The following PIK3C2B variants were observed in gnomAD, a reference collection of about 807,000 sequenced individuals.
PIK3C2B encodes phosphatidylinositol 4-phosphate 3-kinase C2 domain-containing subunit beta.
In PIK3C2B, 83 loss-of-function variants were observed where a neutral mutation model predicts 184.3. That is an observed-to-expected ratio of 0.45 (90% CI 0.38 to 0.54). The LOEUF (loss-of-function observed/expected upper bound fraction) is 0.54, where lower values mean the gene tolerates loss of function less well. PIK3C2B is among the 20% of genes least tolerant of loss of function. The probability of loss-of-function intolerance (pLI) is 0.00; values close to 1 mark genes in which losing one functional copy is unlikely to be tolerated. For synonymous variants in PIK3C2B, 779 were observed against 837.6 expected (o/e 0.93, Z 1.21); for missense variants, 1,736 against 2,113.5 (o/e 0.82, Z 3.50).
At chr1:204,485,665 C>T (rs1356825335) in intron 1 of PIK3C2B, among the ~76,000 whole-genome samples, 1 of 151,964 alleles carries the variant, frequency 6.6e-6, no homozygotes. Flanking sequence ...CTTCCACCTC[C>T]CAGGCCCAAG....
rs759688031 is a variant in PIK3C2B, at chr1:204,444,083, G to T, written c.2852C>A (p.Thr951Asn). The T allele has an allele frequency of 8.7e-6, 14 of 1,610,626 alleles. No homozygotes were observed. Among genetic ancestry groups the T allele is most frequent in the Non-Finnish European group, 1.1e-5 (13 of 1,176,856 alleles). Residue 951 changes from threonine to asparagine, a missense_variant, in exon 18 of 33, where the codon ACT (threonine) becomes AAT (asparagine). Thr to Asn is a moderately conservative substitution (Grantham distance 65). Coordinates refer to ENST00000684373, the MANE Select transcript of PIK3C2B (RefSeq NM_001377334.1). The stretch of plus-strand genomic sequence containing the variant: ...GCAGTTTTACCAGAAGAAGTAGTGA[G>T]TCACTCTCAAGTCAGACACAGCTCG... Reference protein sequence around the residue: ...LKRAVSDLRVTHYFFWLLKDG... With the variant: ...LKRAVSDLRVNHYFFWLLKDG...
intron 7 of PIK3C2B, 126 bp from the exon 8 acceptor site, chr1:204,460,067 A>G (rs548109938): frequency 2.8e-5 from 22 of 789,912 alleles, no homozygotes; most frequent in African/African-American, 5.1e-5. Context: ...CACTCTTTCT[A>G]TATGTCCTGT....
intron 23 of PIK3C2B, chr1:204,435,648 A>G (rs1193536376): frequency 1.3e-5 from 2 of 152,212 alleles, no homozygotes; most frequent in Non-Finnish European, 2.9e-5. Flanking sequence ...TGTCACCTCC[A>G]TTCATACAGC....
intron 1 of PIK3C2B, among the ~76,000 whole-genome samples, chr1:204,488,536 G>A (rs1657786672): frequency 6.6e-6 from 1 of 152,234 alleles, no homozygotes; most frequent in African/African-American, 2.4e-5. Flanking sequence ...CCAAGCACTA[G>A]GCAAGGGTTT....
Position 204,479,419 on chromosome 1 carries a change from C to A in PIK3C2B, c.-84-9533G>T, listed in dbSNP as rs115989720. On this transcript the variant is annotated intron_variant, in intron 1 of 32. Transcript: ENST00000684373. ...ATGACCTCCCCTGACCAACCTTGGCCTCCAGCTGAGGAGACCACCGAGGGA... is the reference window on the plus strand; with the variant it reads ...ATGACCTCCCCTGACCAACCTTGGCATCCAGCTGAGGAGACCACCGAGGGA... Among the ~76,000 whole-genome samples the A allele has an allele frequency of 6.4e-3, 969 of 151,938 alleles. 9 individuals carry two copies. Among genetic ancestry groups the A allele is most frequent in the Non-Finnish European group, 9.3e-3 (631 of 67,960 alleles).
chr1:204,482,697 T>C (rs944218256), intron 1 of PIK3C2B, among the ~76,000 whole-genome samples: 9 of 151,118 alleles, frequency 6.0e-5, no homozygotes, highest in African/African-American at 1.9e-4. Context: ...GGCAGAAGAA[T>C]CTCTTGAACC....
At position 204,468,928 on chromosome 1, in the gene PIK3C2B, C is replaced by T. The variant is rs758617979; in HGVS notation, c.875G>A (p.Arg292His). Residue 292 changes from arginine (R) to histidine (H), a missense_variant, in exon 2 of 33, where the codon CGC (arginine) becomes CAC (histidine). Arg to His is a conservative substitution (Grantham distance 29, BLOSUM62 0). Coordinates refer to ENST00000684373, the MANE Select transcript of PIK3C2B (RefSeq NM_001377334.1). ...CGTCGCATTCTTTCGGTTGCCATAG[C>T]GGGAGGCATAGGTGCGGGGGGGCAC... The part of the protein sequence containing the change: ...PQVPPRTYAS[R>H]YGNRKNATPG... The T allele has an allele frequency of 8.7e-6, 14 of 1,610,298 alleles. No individual in the cohort carries two copies. Among genetic ancestry groups the T allele is most frequent in the African/African-American group, 2.7e-5 (2 of 74,810 alleles).
Position 204,433,711 on chromosome 1 carries a change from C to A in PIK3C2B, c.3843+82G>T. On this transcript the variant is annotated intron_variant, in intron 25 of 32. Coordinates refer to ENST00000684373, the MANE Select transcript of PIK3C2B (RefSeq NM_001377334.1). This position sits in a 1 kb window ranked among gnomAD's most constrained non-coding sequence, Gnocchi z 5.0. ...CTCAGAGAGGTAAATCTCTAGAAAT[C>A]CTCTGCGGCAAGACAGGGAAGTCTT... 1 of 1,349,618 alleles carries A rather than the reference C, an allele frequency of 7.4e-7. No homozygotes were observed. The highest frequency in any genetic ancestry group is 1.0e-6 in the Non-Finnish European group (1 of 952,464). 83.6% of individuals were successfully genotyped at this position (1,349,618 alleles called of 1,614,324 possible).
chr1:204,455,960 G>A lies in PIK3C2B; in HGVS notation c.1839C>T (p.Pro613=), dbSNP rs765459487. The change falls in exon 11 of 33, where the codon CCC becomes CCT. Residue 613 remains proline, a synonymous_variant. Coordinates refer to ENST00000684373, the MANE Select transcript of PIK3C2B (RefSeq NM_001377334.1). ...GGACCAGGTCATGCTTGCGGCTCCC[G>A]GGCACTGCCGTCTGGAAGTCTGCGT... ...TFNADFQTAV[P]GSRKHDLVQE... The A allele has an allele frequency of 2.5e-6, 4 of 1,614,092 alleles. No homozygotes were observed. Among genetic ancestry groups the A allele is most frequent in the Admixed American group, 1.7e-5 (1 of 60,024 alleles).
intron 1 of PIK3C2B, among the ~76,000 whole-genome samples, chr1:204,472,517 G>A (rs1236571818): frequency 2.7e-5 from 4 of 150,702 alleles, no homozygotes; most frequent in East Asian, 2.1e-4. Flanking sequence ...GGTGGCTCAC[G>A]CCTATAATCC....
rs747482741 is a variant in PIK3C2B at position 204,456,873 on chromosome 1, AACACACACACACACACAC to A, written c.1747+146_1747+163del. On this transcript the variant is annotated intron_variant, in intron 10 of 32. Transcript: ENST00000684373. ...CAGCTGTATCCACACCTCATATAGG[AACACACACACACACACAC>A]ACACACACACACACACCCACACACA... 2.8e-4 allele frequency among the ~76,000 whole-genome samples: 39 copies of A among 141,606 alleles called. 2 individuals are homozygous for A. The East Asian group carries it at 8.3e-3, about 30-fold the overall frequency. The allele number at this position is 141,606 out of a possible 152,430, so 92.9% of individuals were successfully genotyped here. A position where few individuals can be genotyped will look rare whatever the true frequency, so the allele number is the denominator to read the frequency against.
chr1:204,433,187 C>T lies in PIK3C2B; in HGVS notation c.3953+129G>A, dbSNP rs182617125. 9 of 578,060 alleles carry T rather than the reference C, an allele frequency of 1.6e-5. No homozygotes were observed. The highest frequency in any genetic ancestry group is 8.8e-5 in the East Asian group (3 of 33,926). The allele number at this position is 578,060 out of a possible 1,614,324, so 35.8% of individuals were successfully genotyped here. A position where few individuals can be genotyped will look rare whatever the true frequency, so the allele number is the denominator to read the frequency against. On this transcript the variant is annotated intron_variant, in intron 26 of 32. Coordinates refer to ENST00000684373, the MANE Select transcript of PIK3C2B (RefSeq NM_001377334.1). This position sits in a 1 kb window ranked among gnomAD's most constrained non-coding sequence, Gnocchi z 5.0. ...GGGCAAAGTTGGGACAATGTATCCA[C>T]GTGGTCAGCTCTAGGCTCTAGCATC...
chr1:204,463,736 T>C (rs1396686365), intron 5 of PIK3C2B, among the ~76,000 whole-genome samples: 3 of 123,768 alleles, frequency 2.4e-5, no homozygotes, highest in Non-Finnish European at 3.2e-5. Flanking sequence ...CATCTCTCCA[T>C]AAGCAGAATC....
chr1:204,460,577 C>T lies in PIK3C2B; in HGVS notation c.1395G>A (p.Lys465=), dbSNP rs1350854545. The stretch of plus-strand genomic sequence containing the variant: ...TCCGGGCCAGGTCACTGCGCACAAC[C>T]TTCTGCTCCATCAGCTGTAGCCGAA... ...IDIRLQLMEQ[K]VVRSDLARTV... is the part of the protein sequence containing the mutation. The change falls in exon 6 of 33, where the codon AAG becomes AAA. Residue 465 remains lysine (K), a synonymous_variant. Transcript: ENST00000684373. 2 of 1,614,074 alleles carry T rather than the reference C, an allele frequency of 1.2e-6. No individual in the cohort carries two copies. The highest frequency in any genetic ancestry group is 2.2e-5 in the East Asian group (1 of 44,886).
chr1:204,489,910 G>A (rs540367887), intron 1 of PIK3C2B: 119 of 394,560 alleles, frequency 3.0e-4, no homozygotes, highest in Middle Eastern at 6.2e-4. Context: ...TATAACTTAC[G>A]GTTTGCTGCA....
rs202062359 is a variant in PIK3C2B, at chr1:204,454,682, C to T, written c.2053G>A (p.Val685Ile). 76 of 1,612,494 alleles carry T rather than the reference C, an allele frequency of 4.7e-5. No homozygotes were observed. The highest frequency in any genetic ancestry group is 2.7e-5 in the African/African-American group (2 of 74,870). Residue 685 changes from valine to isoleucine, a missense_variant, in exon 12 of 33, where the codon GTC becomes ATC. Val to Ile is a conservative substitution (Grantham distance 29). Coordinates refer to ENST00000684373, the MANE Select transcript of PIK3C2B (RefSeq NM_001377334.1). The part of the protein sequence containing the change: ...HFSKYLFHLI[V>I]WDQQICFPVQ... ...GGAAGGGCTTACTGCTGGTCCCAGA[C>T]GATGAGGTGGAAGAGGTACTTGGAG...
chr1:204,462,640 G>A (rs1655429252), intron 5 of PIK3C2B, among the ~76,000 whole-genome samples: 1 of 152,160 alleles, frequency 6.6e-6, no homozygotes, highest in South Asian at 2.1e-4. Context: ...TTAAAGGTGG[G>A]GCACATTTGA....
chr1:204,455,476 C>G (rs2103497351), intron 11 of PIK3C2B, among the ~76,000 whole-genome samples: 1 of 152,190 alleles, frequency 6.6e-6, no homozygotes, highest in African/African-American at 2.4e-5. Context: ...GAACCCCAGA[C>G]AAAGGGTCAA....
rs183847928 is a variant in PIK3C2B at position 204,444,392 on chromosome 1, A to G, written c.2711T>C (p.Val904Ala). The change falls in exon 17 of 33, where the codon GTG becomes GCG. Residue 904 changes from valine to alanine, a missense_variant. Val to Ala is a moderately conservative substitution (Grantham distance 64). Coordinates refer to ENST00000684373, the MANE Select transcript of PIK3C2B (RefSeq NM_001377334.1). ...FPDQEVRRMAVQWIGSLSDAE... is the reference protein window; with the variant it reads ...FPDQEVRRMAAQWIGSLSDAE... ...ATCTGAGAGTGAGCCAATCCACTGC[A>G]CAGCCATACGACGCACCTCCTGGTC... is the stretch of plus-strand genomic sequence containing the variant. 9.6e-5 allele frequency: 155 copies of G among 1,613,992 alleles called. 1 individual carries two copies. In the East Asian group the frequency reaches 3.4e-3, roughly 36 times the overall value.
Sources: gnomAD v4.1 joint callset for allele counts (sites outside exome capture counted in the v4.1 genomes callset) on GRCh38, gnomAD v4.1.1 for gene constraint, Gnocchi (gnomAD v3.1) non-coding constraint, MANE v1.5 for transcripts, NCBI Gene and HGNC (gene_info 2026-07-23, HGNC 2026-07-21) for gene names.